The following CACNA1B variants were observed in gnomAD, a reference collection of about 807,000 sequenced individuals.
CACNA1B encodes the protein voltage-dependent N-type calcium channel subunit alpha-1B.
In CACNA1B, 70 loss-of-function variants were observed where a neutral mutation model predicts 247.2. That is an observed-to-expected ratio of 0.28 (90% CI 0.23 to 0.35). The LOEUF (loss-of-function observed/expected upper bound fraction) is 0.35. Ranked by LOEUF, CACNA1B falls within the 10% of genes least tolerant of loss-of-function variation. The pLI, the probability that CACNA1B is intolerant of heterozygous loss-of-function variation, is 1.00. For synonymous variants in CACNA1B, 1,231 were observed against 1,294.4 expected (o/e 0.95, Z 1.05); for missense variants, 2,367 against 3,197.4 (o/e 0.74, Z 6.26).
At position 137,898,297 on chromosome 9, in the gene CACNA1B, C is replaced by A. The variant is rs550535706; in HGVS notation, c.531-14883C>A. 5.3e-5 allele frequency among the ~76,000 whole-genome samples: 8 copies of A among 152,232 alleles called. No homozygotes were observed. The South Asian group carries it at 1.7e-3, about 32-fold the overall frequency. ...CTGTGATGCATCTTGTTTTGATTAT[C>A]TTTGAGTTGATCCTGTTTGGGGTCC... On this transcript the variant is annotated intron_variant, in intron 3 of 46. Coordinates refer to ENST00000371372, the MANE Select transcript of CACNA1B (RefSeq NM_000718.4).
At chr9:138,109,449 T>C (rs934443785) in intron 39 of CACNA1B, among the ~76,000 whole-genome samples, 1 of 152,244 alleles carries the variant, frequency 6.6e-6, no homozygotes, top group Non-Finnish European at 1.5e-5. Flanking sequence ...CCTCTTCTCT[T>C]GGCTGGTAAA....
At chr9:138,055,713 A>AT (rs58965198) in intron 26 of CACNA1B, among the ~76,000 whole-genome samples, 1 of 152,156 alleles carries the variant, frequency 6.6e-6, no homozygotes, top group African/African-American at 2.4e-5. Context: ...AGTGTAATGG[A>AT]TTTTTTAAAA....
At chr9:138,053,778 C>T (rs1959389739) in intron 25 of CACNA1B, 68 bp from the exon 26 acceptor site, 2 of 1,245,916 alleles carry the variant, frequency 1.6e-6, no homozygotes, top group Non-Finnish European at 2.3e-6. Flanking sequence ...CCTACCCTTC[C>T]CCCTCATGGC....
intron 26 of CACNA1B, among the ~76,000 whole-genome samples, chr9:138,055,454 C>A (rs12341099): frequency 0.13 from 20,004 of 152,052 alleles, 4,218 homozygotes; most frequent in African/African-American, 0.45. Context: ...TAATAGAGTC[C>A]AACTGATCTT....
chr9:138,043,917 G>A lies in CACNA1B; in HGVS notation c.3413+17G>A, dbSNP rs766899121. The stretch of plus-strand genomic sequence containing the variant: ...CACCAACCTGTGAGTCTCCTTGCCT[G>A]CTGGTGTGTGTGGCCGCCCACTCAC... On this transcript the variant is annotated intron_variant, in intron 21 of 46. Transcript: ENST00000371372. 9.3e-6 allele frequency: 15 copies of A among 1,610,466 alleles called. No homozygotes were observed. The African/African-American group carries it at 1.7e-4, about 19-fold the overall frequency.
At chr9:137,969,034 C>T (rs983958630) in intron 10 of CACNA1B, among the ~76,000 whole-genome samples, 1 of 152,252 alleles carries the variant, frequency 6.6e-6, no homozygotes, top group African/African-American at 2.4e-5. Flanking sequence ...CCTGTAGACT[C>T]TCTGCTTTTA....
intron 3 of CACNA1B, among the ~76,000 whole-genome samples, chr9:137,884,643 C>T (rs62592382): frequency 6.6e-6 from 1 of 151,078 alleles, no homozygotes; most frequent in East Asian, 2.0e-4. Flanking sequence ...CAGTGTGCCT[C>T]TGCTGAAGTA....
At chr9:137,892,162 AACGACTGGACACTGGT>A (rs1237028280) in intron 3 of CACNA1B, 1 of 456,810 alleles carries the variant, frequency 2.2e-6, no homozygotes, top group Non-Finnish European at 4.4e-6. Context: ...CATTCCCTTG[AACGACTGGACACTGGT>A]CTGCTGGGGA....
In CACNA1B at chr9:137,986,719, C is replaced by A; in HGVS notation, c.1902-63C>A. On this transcript the variant is annotated intron_variant, in intron 14 of 46. Transcript: ENST00000371372. The surrounding 1 kb of genome is among the most constrained non-coding windows in gnomAD (Gnocchi z 6.0). The stretch of plus-strand genomic sequence containing the variant: ...CGAGCAGGTTGAGGCCACGCTGGAG[C>A]CTGCAGGCGCTGCCTCGCTGCTGAC... The A allele has an allele frequency of 1.4e-6, 2 of 1,441,506 alleles. No homozygotes were observed. Among genetic ancestry groups the A allele is most frequent in the Non-Finnish European group, 2.0e-6 (2 of 1,023,316 alleles). The allele number at this position is 1,441,506 out of a possible 1,614,324, so 89.3% of individuals were successfully genotyped here. A position where few individuals can be genotyped will look rare whatever the true frequency, so the allele number is the denominator to read the frequency against.
intron 20 of CACNA1B, among the ~76,000 whole-genome samples, chr9:138,037,823 T>G (rs1366290935): frequency 3.9e-5 from 6 of 152,228 alleles, no homozygotes; most frequent in Admixed American, 6.5e-5. Flanking sequence ...CAGCCTGATC[T>G]GCCATTGTGA....
Position 138,061,397 on chromosome 9 carries a change from A to G in CACNA1B, c.4668+1660A>G, listed in dbSNP as rs535729710. On this transcript the variant is annotated intron_variant, in intron 31 of 46. Coordinates refer to ENST00000371372, the MANE Select transcript of CACNA1B (RefSeq NM_000718.4). ...TGGGTTTCTGGAGCGATGGTGAGAC[A>G]GGCCCCTTCTTCTTTCACCATTTCC... is the stretch of plus-strand genomic sequence containing the variant. Among the ~76,000 whole-genome samples the G allele has an allele frequency of 1.5e-3, 224 of 152,322 alleles. 2 individuals are homozygous for G. The highest frequency in any genetic ancestry group is 5.3e-3 in the African/African-American group (220 of 41,568).
In CACNA1B at chr9:138,122,176, T is replaced by C. The variant is rs1024716518; in HGVS notation, c.*177T>C. 5 of 609,626 alleles carry C rather than the reference T, an allele frequency of 8.2e-6. No individual in the cohort carries two copies. Among genetic ancestry groups the C allele is most frequent in the Non-Finnish European group, 1.2e-5 (4 of 346,372 alleles). 37.8% of individuals were successfully genotyped at this position (609,626 alleles called of 1,614,324 possible). A position where few individuals can be genotyped will look rare whatever the true frequency, so the allele number is the denominator to read the frequency against. ...TTACTCTAGACGACGAATAAAGCCC[T>C]GTTAGAGGATGCGGCTCTCTCTGTC... On this transcript the variant is annotated 3_prime_UTR_variant, in exon 47 of 47. Coordinates refer to ENST00000371372, the MANE Select transcript of CACNA1B (RefSeq NM_000718.4).
At chr9:138,038,101 A>G (rs1304237914) in intron 20 of CACNA1B, among the ~76,000 whole-genome samples, 1 of 152,246 alleles carries the variant, frequency 6.6e-6, no homozygotes, top group East Asian at 1.9e-4. Context: ...TCAATGCCCT[A>G]TTAACAAATA....
chr9:137,918,127 C>T (rs995203030), intron 6 of CACNA1B, among the ~76,000 whole-genome samples: 2 of 152,160 alleles, frequency 1.3e-5, no homozygotes, highest in South Asian at 2.1e-4. Context: ...TTGGTCTCCT[C>T]GCTCTCATCA....
chr9:138,100,483 TG>T lies in CACNA1B; in HGVS notation c.5223-2226del, dbSNP rs758722714. On this transcript the variant is annotated intron_variant, in intron 37 of 46. Coordinates refer to ENST00000371372, the MANE Select transcript of CACNA1B (RefSeq NM_000718.4). The surrounding 1 kb of genome is among the most constrained non-coding windows in gnomAD (Gnocchi z 4.6). ...CTGCCACAACCTTAGCAAACATCTT[TG>T]GTGAGGCCGAGGTGGGGCTTCCTGT... Among the ~76,000 whole-genome samples the T allele has an allele frequency of 9.2e-5, 14 of 152,064 alleles. No homozygotes were observed. The highest frequency in any genetic ancestry group is 1.8e-4 in the Non-Finnish European group (12 of 68,010).
At chr9:138,026,598 C>G (rs941516934) in intron 20 of CACNA1B, among the ~76,000 whole-genome samples, 1 of 152,160 alleles carries the variant, frequency 6.6e-6, no homozygotes, top group African/African-American at 2.4e-5. Context: ...CTTTTTGTGG[C>G]TTGACAGCTC....
chr9:138,068,656 C>T lies in CACNA1B; in HGVS notation c.4669-1102C>T, dbSNP rs1275643607. On this transcript the variant is annotated intron_variant, in intron 31 of 46. Coordinates refer to ENST00000371372, the MANE Select transcript of CACNA1B (RefSeq NM_000718.4). ...AATACAGTGATGGAAACATTGAGCT[C>T]CCAGCTGTAAGGACACAGCTTGGTG... 3 of 518,414 alleles carry T rather than the reference C, an allele frequency of 5.8e-6. No homozygotes were observed. The East Asian group carries it at 1.6e-4, about 28-fold the overall frequency. 32.1% of individuals were successfully genotyped at this position (518,414 alleles called of 1,614,324 possible). A position where few individuals can be genotyped will look rare whatever the true frequency, so the allele number is the denominator to read the frequency against.
intron 6 of CACNA1B, among the ~76,000 whole-genome samples, chr9:137,937,941 C>A (rs1229147522): frequency 1.1e-3 from 89 of 77,448 alleles, no homozygotes; most frequent in African/African-American, 3.9e-3. Flanking sequence ...GAATGAAACT[C>A]TGTCTCAAAA....
Position 137,986,635 on chromosome 9 carries a change from C to T in CACNA1B, c.1901+91C>T. 14 of 1,516,576 alleles carry T rather than the reference C, an allele frequency of 9.2e-6. No individual in the cohort carries two copies. The highest frequency in any genetic ancestry group is 1.7e-5 in the Admixed American group (1 of 59,362). The allele number at this position is 1,516,576 out of a possible 1,614,324, so 93.9% of individuals were successfully genotyped here. The stretch of plus-strand genomic sequence containing the variant: ...CGGTGCCGCCCAGGCTGCCTCCACC[C>T]ACCTTCCCACCAGGAAGGTCCTCAG... On this transcript the variant is annotated intron_variant, in intron 14 of 46. Coordinates refer to ENST00000371372, the MANE Select transcript of CACNA1B (RefSeq NM_000718.4). This position sits in a 1 kb window ranked among gnomAD's most constrained non-coding sequence, Gnocchi z 6.0.
Sources: gnomAD v4.1 joint callset for allele counts (sites outside exome capture counted in the v4.1 genomes callset) on GRCh38, gnomAD v4.1.1 for gene constraint, Gnocchi (gnomAD v3.1) non-coding constraint, MANE v1.5 for transcripts, NCBI Gene and HGNC (gene_info 2026-07-23, HGNC 2026-07-21) for gene names.